Variants in PLXNA4 observed in about 807,000 individuals in gnomAD.
PLXNA4 encodes plexin A4.
A neutral mutation model predicts 191.8 loss-of-function variants in PLXNA4; 44 were observed. The ratio of observed to expected loss-of-function variants is 0.23; its 90% confidence interval spans 0.18 to 0.29. The LOEUF (loss-of-function observed/expected upper bound fraction) is 0.29. Among genes scored for constraint, PLXNA4 ranks in the 10% least tolerant of loss-of-function variants. PLXNA4 has a pLI of 1.00. For missense variants in PLXNA4, 1,800 were observed against 2,488.8 expected, an observed-to-expected ratio of 0.72 and a Z score of 5.89; for synonymous variants, 1,082 against 1,009.5, an observed-to-expected ratio of 1.07 and a Z score of -1.36.
chr7:132,182,363 G>A (rs151008023), intron 16 of PLXNA4, among the ~76,000 whole-genome samples, 173 bp from the exon 17 acceptor site: 13 of 152,264 alleles, frequency 8.5e-5, no homozygotes, highest in East Asian at 1.9e-4. Context: ...TGAGTATCTC[G>A]GCAGCCAAGG....
rs763111156 is a variant in PLXNA4, at chr7:132,174,866, G to A, written c.3929C>T (p.Ala1310Val). ...IHELTSDLDG[A>V]GIPFLDYRTY... Reference sequence around the variant, plus strand: ...TCTATAGTCCAGGAACGGAATCCCGGCTCCATCCAGGTCACTGGTCAGCTC... The same window carrying A: ...TCTATAGTCCAGGAACGGAATCCCGACTCCATCCAGGTCACTGGTCAGCTC... The change falls in exon 21 of 32, where the codon GCC becomes GTC. Residue 1310 changes from alanine to valine, a missense_variant. This residue lies in a region of PLXNA4 where 1,397 missense variants were observed against 1,880.4 expected (regional missense o/e 0.74). Coordinates refer to ENST00000321063, the MANE Select transcript of PLXNA4 (RefSeq NM_020911.2). 1 of 1,614,078 alleles carries A rather than the reference G, an allele frequency of 6.2e-7. No homozygotes were observed. The highest frequency in any genetic ancestry group is 8.5e-7 in the Non-Finnish European group (1 of 1,180,048).
chr7:132,539,359 G>A (rs529204422), intron 1 of PLXNA4, among the ~76,000 whole-genome samples: 11 of 152,298 alleles, frequency 7.2e-5, no homozygotes, highest in East Asian at 3.9e-4. Flanking sequence ...CGGCAGTTAC[G>A]AATTGGAGGG....
intron 3 of PLXNA4, among the ~76,000 whole-genome samples, chr7:132,303,440 G>A (rs1426099463): frequency 6.6e-6 from 1 of 151,550 alleles, no homozygotes; most frequent in African/African-American, 2.4e-5. Flanking sequence ...GTGGCGGTGG[G>A]CGCCTGTAGT....
At chr7:132,262,858 A>G (rs966997066) in intron 4 of PLXNA4, among the ~76,000 whole-genome samples, 49 of 152,060 alleles carry the variant, frequency 3.2e-4, no homozygotes, top group African/African-American at 1.2e-3. Flanking sequence ...CTTGTCGTTC[A>G]TGACTCCCTA....
At chr7:132,517,313 A>G (rs1449893972) in intron 1 of PLXNA4, among the ~76,000 whole-genome samples, 1 of 152,176 alleles carries the variant, frequency 6.6e-6, no homozygotes, top group African/African-American at 2.4e-5. Flanking sequence ...TGACATTTCC[A>G]TGCCAAAGCA....
At chr7:132,159,132 C>A (rs1795876468) in intron 25 of PLXNA4, among the ~76,000 whole-genome samples, 1 of 152,146 alleles carries the variant, frequency 6.6e-6, no homozygotes, top group Non-Finnish European at 1.5e-5. Flanking sequence ...GGACTCTGCC[C>A]TTAAATCCCC....
At chr7:132,281,467 G>A (rs1367565232) in intron 4 of PLXNA4, among the ~76,000 whole-genome samples, 1 of 152,022 alleles carries the variant, frequency 6.6e-6, no homozygotes, top group Non-Finnish European at 1.5e-5. Context: ...CTCTTCATTT[G>A]GAAGATTTTT....
chr7:132,227,599 G>A lies in PLXNA4; in HGVS notation c.1734C>T (p.Val578=). ...ISVSQYNVLL[V]LETYNVPELS... is the part of the protein sequence containing the mutation. ...GCTCCGGGACATTGTACGTCTCCAGGACCAGCTGTGAACAGCCAGGCGGGG... is the reference window on the plus strand; with the variant it reads ...GCTCCGGGACATTGTACGTCTCCAGAACCAGCTGTGAACAGCCAGGCGGGG... The change falls in exon 7 of 32, where the codon GTC becomes GTT. Residue 578 remains valine, a synonymous_variant. Coordinates refer to ENST00000321063, the MANE Select transcript of PLXNA4 (RefSeq NM_020911.2). The A allele has an allele frequency of 1.2e-6, 2 of 1,614,168 alleles. No homozygotes were observed. The highest frequency in any genetic ancestry group is 1.7e-6 in the Non-Finnish European group (2 of 1,180,024).
At chr7:132,132,445 CTGT>C (rs1391879858) in intron 31 of PLXNA4, among the ~76,000 whole-genome samples, 5 of 51,604 alleles carry the variant, frequency 9.7e-5, no homozygotes, top group South Asian at 1.0e-3. Context: ...CTGTTCTGTT[CTGT>C]TCTGTTCTGT....
chr7:132,188,251 G>A (rs1172049176), intron 14 of PLXNA4, among the ~76,000 whole-genome samples: 1 of 152,182 alleles, frequency 6.6e-6, no homozygotes, highest in Non-Finnish European at 1.5e-5. Flanking sequence ...TGCCAGAATG[G>A]GACCAGTGAG....
intron 12 of PLXNA4, among the ~76,000 whole-genome samples, chr7:132,201,619 G>C (rs1005361634): frequency 2.6e-5 from 4 of 152,204 alleles, no homozygotes; most frequent in Admixed American, 2.6e-4. Flanking sequence ...AGCACCTACT[G>C]TGTGCTCAGC....
intron 2 of PLXNA4, among the ~76,000 whole-genome samples, chr7:132,503,735 C>T (rs1798347428): frequency 1.3e-5 from 2 of 152,190 alleles, no homozygotes; most frequent in East Asian, 3.9e-4. Context: ...CACATGAGTG[C>T]TCATTAGCAA....
intron 2 of PLXNA4, among the ~76,000 whole-genome samples, chr7:132,507,112 A>C (rs1798495546): frequency 6.6e-6 from 1 of 152,156 alleles, no homozygotes; most frequent in Non-Finnish European, 1.5e-5. Context: ...AGTTATTTGC[A>C]GGCTTGGTGA....
chr7:132,546,221 C>T (rs546591060), intron 1 of PLXNA4, among the ~76,000 whole-genome samples: 3 of 152,266 alleles, frequency 2.0e-5, no homozygotes, highest in East Asian at 3.9e-4. Flanking sequence ...GGCAGCACTG[C>T]AGAAAAAGGG....
intron 25 of PLXNA4, among the ~76,000 whole-genome samples, chr7:132,158,079 G>A (rs762291920): frequency 1.1e-4 from 16 of 152,260 alleles, no homozygotes; most frequent in Non-Finnish European, 1.5e-4. Flanking sequence ...CACAGTGGAG[G>A]GAGACACATG....
chr7:132,207,342 C>T (rs753518333), intron 10 of PLXNA4, among the ~76,000 whole-genome samples: 16 of 152,242 alleles, frequency 1.1e-4, no homozygotes, highest in East Asian at 7.7e-4. Flanking sequence ...GGCCTGGCCC[C>T]GGCCCTCACG....
chr7:132,470,943 CAT>C (rs749767695), intron 3 of PLXNA4, among the ~76,000 whole-genome samples: 25 of 152,306 alleles, frequency 1.6e-4, no homozygotes, highest in Middle Eastern at 6.8e-3. Flanking sequence ...AGAACTGTGA[CAT>C]AGCTTGGATA....
At chr7:132,281,682 A>T (rs1460350434) in intron 4 of PLXNA4, among the ~76,000 whole-genome samples, 1 of 152,164 alleles carries the variant, frequency 6.6e-6, no homozygotes, top group Non-Finnish European at 1.5e-5. Context: ...TATTACTTTT[A>T]TATTGGAGGG....
At chr7:132,200,938 T>G (rs2116855593) in intron 12 of PLXNA4, among the ~76,000 whole-genome samples, 1 of 152,316 alleles carries the variant, frequency 6.6e-6, no homozygotes, top group Admixed American at 6.5e-5. Flanking sequence ...GGAGACATTA[T>G]GGGTTTGAAT....
Sources: allele counts gnomAD v4.1 joint callset (sites outside exome capture counted in the v4.1 genomes callset), GRCh38; gene constraint gnomAD v4.1.1; regional missense constraint gnomAD v4.1.1; transcripts MANE v1.5; gene names NCBI Gene and HGNC (gene_info 2026-07-23, HGNC 2026-07-21).